The following ARMC9 variants were observed in gnomAD, a reference collection of about 807,000 sequenced individuals.
ARMC9 encodes the protein lisH domain-containing protein ARMC9.
ARMC9 carries 94 observed loss-of-function variants against 107.0 expected under a neutral mutation model. That is an observed-to-expected ratio of 0.88 (90% CI 0.74 to 1.04). ARMC9 has a LOEUF of 1.04. Ranked by LOEUF, ARMC9 falls within the 50% of genes least tolerant of loss-of-function variation. The pLI is 0.00. For missense variants in ARMC9, 942 were observed against 1,030.1 expected, an observed-to-expected ratio of 0.91 and a Z score of 1.17; for synonymous variants, 380 against 396.9, an observed-to-expected ratio of 0.96 and a Z score of 0.51.
chr2:231,348,928 A>G (rs188914686), intron 21 of ARMC9, among the ~76,000 whole-genome samples: 5 of 152,362 alleles, frequency 3.3e-5, no homozygotes, highest in Admixed American at 3.3e-4. Flanking sequence ...AAAGTCAGGC[A>G]ATAACAAATG....
chr2:231,345,441 C>G (rs963014007), intron 21 of ARMC9, among the ~76,000 whole-genome samples: 8 of 152,150 alleles, frequency 5.3e-5, no homozygotes, highest in South Asian at 2.1e-4. Context: ...GCACCAAGCC[C>G]TGTGTTGGGA....
chr2:231,276,736 T>G lies in ARMC9; in HGVS notation c.1435T>G (p.Ser479Ala), dbSNP rs1362739480. 1 of 1,614,188 alleles carries G rather than the reference T, an allele frequency of 6.2e-7. No homozygotes were observed. The highest frequency in any genetic ancestry group is 2.2e-5 in the East Asian group (1 of 44,878). Residue 479 changes from serine to alanine, a missense_variant, in exon 15 of 25, where the codon TCG becomes GCG. Ser to Ala is a moderately conservative substitution (Grantham distance 99). Transcript: ENST00000611582. ...DCLSDYTLEY[S>A]VALLMNLCLR... ...CCTGTCTGACTACACGCTGGAGTAC[T>G]CGGTGGCTTTGCTCATGAACCTCTG...
intron 1 of ARMC9, 81 bp from the exon 2 acceptor site, chr2:231,206,117 A>G (rs1007110180): frequency 4.8e-6 from 4 of 839,278 alleles, no homozygotes; most frequent in Non-Finnish European, 8.1e-6. Flanking sequence ...GGGGGCCATT[A>G]TTCTGCTCAC....
intron 9 of ARMC9, among the ~76,000 whole-genome samples, chr2:231,251,967 C>T (rs951547384): frequency 6.6e-6 from 1 of 152,198 alleles, no homozygotes; most frequent in Non-Finnish European, 1.5e-5. Context: ...TGCTGAGCCA[C>T]TCCTTCTACA....
chr2:231,354,070 T>G (rs992588431), intron 21 of ARMC9, among the ~76,000 whole-genome samples: 5 of 151,854 alleles, frequency 3.3e-5, no homozygotes, highest in African/African-American at 9.7e-5. Flanking sequence ...ATGGTGTTAC[T>G]TCTGCTGGAA....
chr2:231,371,353 AGCCGGCCCGCCAGTC>A (rs2046013640), intron 24 of ARMC9, among the ~76,000 whole-genome samples, 145 bp from the exon 25 acceptor site: 1 of 152,050 alleles, frequency 6.6e-6, no homozygotes, highest in Non-Finnish European at 1.5e-5. Context: ...GTGAGGAAAG[AGCCGGCCCGCCAGTC>A]GAGCCCAGGC....
At chr2:231,245,156 CGCGTATTGCT>C (rs1467574929) in intron 9 of ARMC9, among the ~76,000 whole-genome samples, 16 of 152,282 alleles carry the variant, frequency 1.1e-4, no homozygotes, top group South Asian at 2.1e-4. Flanking sequence ...AGTTTGACTC[CGCGTATTGCT>C]GCTCCCACCC....
intron 10 of ARMC9, among the ~76,000 whole-genome samples, chr2:231,258,459 GC>G (rs1289632193): frequency 2.0e-5 from 3 of 152,158 alleles, no homozygotes; most frequent in African/African-American, 7.2e-5. Context: ...GGGATTACAG[GC>G]CTGAGCCACC....
At chr2:231,234,277 G>A (rs1210927743) in intron 7 of ARMC9, among the ~76,000 whole-genome samples, 1 of 152,184 alleles carries the variant, frequency 6.6e-6, no homozygotes, top group Non-Finnish European at 1.5e-5. Flanking sequence ...TATTCCTGCC[G>A]AGACCAGGGT....
At chr2:231,278,991 C>T (rs2039989432) in intron 16 of ARMC9, among the ~76,000 whole-genome samples, 1 of 152,198 alleles carries the variant, frequency 6.6e-6, no homozygotes, top group African/African-American at 2.4e-5. Flanking sequence ...TGACATTTTA[C>T]TTATCCAGCC....
chr2:231,327,963 T>C (rs984876075), intron 19 of ARMC9, among the ~76,000 whole-genome samples: 1 of 152,146 alleles, frequency 6.6e-6, no homozygotes, highest in Non-Finnish European at 1.5e-5. Flanking sequence ...TTTTGTTTTT[T>C]TCGTAGAGAC....
At chr2:231,292,690 C>T (rs2041098625) in intron 18 of ARMC9, among the ~76,000 whole-genome samples, 1 of 152,218 alleles carries the variant, frequency 6.6e-6, no homozygotes, top group Admixed American at 6.5e-5. Flanking sequence ...CCAGGTTTGT[C>T]ACTGAGTCTC....
At position 231,375,470 on chromosome 2, in the gene ARMC9, G is replaced by C. The variant is rs1023465790; in HGVS notation, c.*3935G>C. ...AGCTACCACATAGATGCTGTTCAGAGCTTTGCAGGACCAAATCTTTTAGGG... is the reference window on the plus strand; with the variant it reads ...AGCTACCACATAGATGCTGTTCAGACCTTTGCAGGACCAAATCTTTTAGGG... On this transcript the variant is annotated 3_prime_UTR_variant, in exon 25 of 25. Coordinates refer to ENST00000611582, the MANE Select transcript of ARMC9 (RefSeq NM_001352754.2). The surrounding 1 kb of genome is among the most constrained non-coding windows in gnomAD (Gnocchi z 4.3). 6.6e-6 allele frequency among the ~76,000 whole-genome samples: 1 copy of C among 152,234 alleles called. No homozygotes were observed. The highest frequency in any genetic ancestry group is 1.5e-5 in the Non-Finnish European group (1 of 68,050).
At chr2:231,273,122 A>T (rs759806032) in intron 14 of ARMC9, 44 bp downstream of exon 14, 3 of 1,580,968 alleles carry the variant, frequency 1.9e-6, no homozygotes, top group Non-Finnish European at 2.6e-6. Context: ...GTGAGATCAG[A>T]TTGAGTTAAA....
At chr2:231,226,890 G>A in intron 7 of ARMC9, 92 bp downstream of exon 7, 4 of 1,452,720 alleles carry the variant, frequency 2.8e-6, no homozygotes, top group South Asian at 2.3e-5. Flanking sequence ...GAGAATTCAT[G>A]ATTTTGGCTT....
chr2:231,372,695 T>G lies in ARMC9; in HGVS notation c.*1160T>G, dbSNP rs1034427109. On this transcript the variant is annotated 3_prime_UTR_variant, in exon 25 of 25. Transcript: ENST00000611582. Reference sequence around the variant, plus strand: ...AAATCAAATAAAACCCATCAGTATTTAGTGGTGTGTGTGTGTGTGTGTGTG... The same window carrying G: ...AAATCAAATAAAACCCATCAGTATTGAGTGGTGTGTGTGTGTGTGTGTGTG... 20 of 147,042 alleles carry G rather than the reference T, an allele frequency of 1.4e-4. No homozygotes were observed. Among genetic ancestry groups the G allele is most frequent in the Non-Finnish European group, 1.5e-5 (1 of 68,102 alleles). 9.1% of individuals were successfully genotyped at this position (147,042 alleles called of 1,614,324 possible).
intron 8 of ARMC9, among the ~76,000 whole-genome samples, chr2:231,239,173 G>A (rs144600193): frequency 2.1e-3 from 320 of 152,312 alleles, no homozygotes; most frequent in Middle Eastern, 0.014. Context: ...GGATTCAGGA[G>A]AGGTTGTGGT....
At chr2:231,307,301 G>A (rs943134139) in intron 19 of ARMC9, among the ~76,000 whole-genome samples, 13 of 152,238 alleles carry the variant, frequency 8.5e-5, no homozygotes, top group Admixed American at 6.5e-4. Flanking sequence ...GTGGGCTCTC[G>A]AGCAAAGGGG....
chr2:231,341,283 T>C (rs1248258810), intron 20 of ARMC9, among the ~76,000 whole-genome samples: 2 of 152,222 alleles, frequency 1.3e-5, no homozygotes, highest in East Asian at 3.8e-4. Context: ...CACATGCCTG[T>C]TGCCTCTTGA....
Sources: gnomAD v4.1 joint callset for allele counts (sites outside exome capture counted in the v4.1 genomes callset) on GRCh38, gnomAD v4.1.1 for gene constraint, Gnocchi (gnomAD v3.1) non-coding constraint, MANE v1.5 for transcripts, NCBI Gene and HGNC (gene_info 2026-07-23, HGNC 2026-07-21) for gene names.